Variants in ANKS1B observed in about 807,000 individuals in gnomAD.
The protein encoded by ANKS1B is ankyrin repeat and sterile alpha motif domain-containing protein 1B.
In ANKS1B, 36 loss-of-function variants were observed where a neutral mutation model predicts 148.3. That is an observed-to-expected ratio of 0.24 (90% CI 0.19 to 0.32). The LOEUF (loss-of-function observed/expected upper bound fraction) is 0.32, where lower values mean the gene tolerates loss of function less well. Ranked by LOEUF, ANKS1B falls within the 10% of genes least tolerant of loss-of-function variation. The pLI, the probability that ANKS1B is intolerant of heterozygous loss-of-function variation, is 1.00. For missense variants in ANKS1B, 1,157 were observed against 1,542.6 expected, an observed-to-expected ratio of 0.75 and a Z score of 4.19; for synonymous variants, 542 against 560.8, an observed-to-expected ratio of 0.97 and a Z score of 0.47.
In ANKS1B at chr12:98,844,288, C is replaced by T. The variant is rs2066736239; in HGVS notation, c.2779-12152G>A. 2.0e-5 allele frequency among the ~76,000 whole-genome samples: 3 copies of T among 152,182 alleles called. No individual in the cohort carries two copies. The South Asian group carries it at 6.2e-4, about 32-fold the overall frequency. On this transcript the variant is annotated intron_variant, in intron 17 of 26. Transcript: ENST00000683438. ...TTGTTAGGATTAAATGAGACATATG[C>T]AATGCATTTAGCACAGTGCCTGGTA...
intron 9 of ANKS1B, among the ~76,000 whole-genome samples, chr12:99,555,764 T>G (rs1220558522): frequency 6.6e-6 from 1 of 152,170 alleles, no homozygotes; most frequent in East Asian, 1.9e-4. Context: ...TGAGCCAACC[T>G]TGTATTCCAG....
At chr12:99,141,646 T>C (rs1279281610) in intron 15 of ANKS1B, among the ~76,000 whole-genome samples, 1 of 150,364 alleles carries the variant, frequency 6.7e-6, no homozygotes. Flanking sequence ...GTTCTCATCA[T>C]TCAGCTCCCA....
At chr12:99,661,386 A>T (rs981497058) in intron 8 of ANKS1B, among the ~76,000 whole-genome samples, 3 of 152,160 alleles carry the variant, frequency 2.0e-5, no homozygotes. Flanking sequence ...AGCTCTGGAA[A>T]ACTTTGTAAT....
intron 5 of ANKS1B, 130 bp downstream of exon 5, chr12:99,781,892 A>T: frequency 1.4e-6 from 1 of 717,924 alleles, no homozygotes; most frequent in Non-Finnish European, 2.3e-6. Context: ...TAATATGAAT[A>T]CATATCTGCA....
At chr12:98,950,226 G>C (rs554421944) in intron 17 of ANKS1B, among the ~76,000 whole-genome samples, 9 of 152,338 alleles carry the variant, frequency 5.9e-5, no homozygotes, top group Admixed American at 1.3e-4. Context: ...GTTGAGTATA[G>C]TGGCTCATGC....
intron 1 of ANKS1B, among the ~76,000 whole-genome samples, chr12:99,980,511 G>A (rs1415542351): frequency 2.0e-5 from 3 of 151,926 alleles, no homozygotes; most frequent in African/African-American, 7.2e-5. Context: ...GTAACCTGCT[G>A]TCCTTGGTTT....
At chr12:99,567,433 C>T (rs897838004) in intron 9 of ANKS1B, among the ~76,000 whole-genome samples, 3 of 151,760 alleles carry the variant, frequency 2.0e-5, no homozygotes, top group African/African-American at 7.3e-5. Flanking sequence ...GTTCTCACTC[C>T]CCCATCAAGA....
intron 25 of ANKS1B, among the ~76,000 whole-genome samples, chr12:98,765,497 C>T (rs1247711158): frequency 6.6e-6 from 1 of 151,456 alleles, no homozygotes; most frequent in African/African-American, 2.4e-5. Context: ...CTCCTGAGCT[C>T]AGGAGATCCA....
At chr12:98,919,665 T>C (rs1240458856) in intron 17 of ANKS1B, among the ~76,000 whole-genome samples, 1 of 152,206 alleles carries the variant, frequency 6.6e-6, no homozygotes, top group Non-Finnish European at 1.5e-5. Flanking sequence ...AACATTTTTG[T>C]CATTTGTGAG....
rs758739073 is a variant in ANKS1B, at chr12:99,773,081, G to T, written c.969C>A (p.Thr323=). The T allele has an allele frequency of 8.1e-6, 13 of 1,599,204 alleles. No individual in the cohort carries two copies. Among genetic ancestry groups the T allele is most frequent in the Admixed American group, 3.5e-5 (2 of 57,958 alleles). ...AGAGTTTTGATAATTCTCCAGTGAC[G>T]GTTTCACCTATGAGAATAATTTTTT... ...ESPSQKTKSE[T]VTGELSKLLD... is the part of the protein sequence containing the mutation. Residue 323 remains threonine (T), a synonymous_variant, in exon 8 of 27, where the codon ACC becomes ACA. Coordinates refer to ENST00000683438, the MANE Select transcript of ANKS1B (RefSeq NM_001352186.2).
chr12:99,594,117 T>C (rs939448990), intron 9 of ANKS1B, among the ~76,000 whole-genome samples: 4 of 152,060 alleles, frequency 2.6e-5, no homozygotes, highest in Admixed American at 2.6e-4. Context: ...ATCTGCCTCA[T>C]AGGGTTGTTA....
intron 15 of ANKS1B, among the ~76,000 whole-genome samples, chr12:99,141,312 C>T (rs578136424): frequency 1.6e-4 from 24 of 152,122 alleles, no homozygotes; most frequent in Non-Finnish European, 3.1e-4. Context: ...ACATGGCTTC[C>T]GTGGCTCTCA....
intron 10 of ANKS1B, among the ~76,000 whole-genome samples, chr12:99,490,577 A>G (rs546300085): frequency 6.6e-6 from 1 of 152,350 alleles, no homozygotes; most frequent in South Asian, 2.1e-4. Flanking sequence ...TTTTGTATAA[A>G]TTGCCTCTGA....
At chr12:99,289,348 T>A (rs1391750617) in intron 12 of ANKS1B, among the ~76,000 whole-genome samples, 1 of 152,030 alleles carries the variant, frequency 6.6e-6, no homozygotes, top group Non-Finnish European at 1.5e-5. Flanking sequence ...ACTTTCAACA[T>A]TGGACAGATC....
intron 25 of ANKS1B, among the ~76,000 whole-genome samples, chr12:98,772,621 G>A (rs1593242591): frequency 6.6e-6 from 1 of 152,100 alleles, no homozygotes; most frequent in African/African-American, 2.4e-5. Flanking sequence ...TCACTATCAT[G>A]AGAATAGCAC....
At chr12:99,070,268 T>C (rs2045846094) in intron 16 of ANKS1B, among the ~76,000 whole-genome samples, 1 of 152,050 alleles carries the variant, frequency 6.6e-6, no homozygotes, top group Non-Finnish European at 1.5e-5. Flanking sequence ...GGACTACTGG[T>C]TTGAAGTAGA....
At chr12:99,220,159 C>T (rs1730349658) in intron 14 of ANKS1B, among the ~76,000 whole-genome samples, 1 of 152,052 alleles carries the variant, frequency 6.6e-6, no homozygotes, top group Admixed American at 6.5e-5. Context: ...GCCACCACAC[C>T]CAGCTAATTT....
intron 10 of ANKS1B, among the ~76,000 whole-genome samples, chr12:99,481,616 A>C (rs2096412046): frequency 6.6e-6 from 1 of 151,928 alleles, no homozygotes; most frequent in Non-Finnish European, 1.5e-5. Context: ...GAACCTCCAT[A>C]CTGTTTTCCA....
chr12:99,539,440 TA>T (rs943402566), intron 9 of ANKS1B, among the ~76,000 whole-genome samples: 1 of 152,040 alleles, frequency 6.6e-6, no homozygotes, highest in African/African-American at 2.4e-5. Flanking sequence ...TATTTTAAGT[TA>T]AAAAATCAAT....
Sources: gnomAD v4.1 joint callset for allele counts (sites outside exome capture counted in the v4.1 genomes callset) on GRCh38, gnomAD v4.1.1 for gene constraint, MANE v1.5 for transcripts, NCBI Gene and HGNC (gene_info 2026-07-23, HGNC 2026-07-21) for gene names.